RALGAPA1: variants seen among roughly 807,000 people sequenced by gnomAD.
RALGAPA1 encodes the protein ral GTPase-activating protein subunit alpha-1.
In RALGAPA1, 52 loss-of-function variants were observed where a neutral mutation model predicts 269.6. The observed-to-expected ratio is 0.19, with a 90% confidence interval of 0.15 to 0.24. The LOEUF (loss-of-function observed/expected upper bound fraction) is 0.24. Among genes scored for constraint, RALGAPA1 ranks in the 10% least tolerant of loss-of-function variants. RALGAPA1 has a pLI of 1.00. For synonymous variants in RALGAPA1, 817 were observed against 1,008.3 expected (o/e 0.81, Z 3.60); for missense variants, 1,917 against 3,013.9 (o/e 0.64, Z 8.52).
chr14:35,732,667 T>C (rs1472821740), intron 12 of RALGAPA1, among the ~76,000 whole-genome samples: 2 of 152,330 alleles, frequency 1.3e-5, no homozygotes, highest in African/African-American at 2.4e-5. Context: ...GGACATTATA[T>C]AATGGTAAAA....
intron 27 of RALGAPA1, among the ~76,000 whole-genome samples, chr14:35,662,014 C>T (rs931357872): frequency 2.0e-5 from 3 of 152,050 alleles, no homozygotes; most frequent in African/African-American, 7.2e-5. Context: ...TTGGTGATGA[C>T]GAAAATGTTC....
chr14:35,616,670 C>G (rs1251083732), intron 35 of RALGAPA1, among the ~76,000 whole-genome samples: 2 of 152,120 alleles, frequency 1.3e-5, no homozygotes, highest in Non-Finnish European at 1.5e-5. Context: ...CCTATCAGTT[C>G]TTTTGTAAAT....
At chr14:35,703,815 G>A (rs572466487) in intron 16 of RALGAPA1, among the ~76,000 whole-genome samples, 12 of 151,452 alleles carry the variant, frequency 7.9e-5, no homozygotes, top group South Asian at 4.2e-4. Flanking sequence ...TTCAAATTAC[G>A]AGCATGACAA....
chr14:35,703,023 T>C (rs1371309407), intron 16 of RALGAPA1, among the ~76,000 whole-genome samples: 1 of 152,224 alleles, frequency 6.6e-6, no homozygotes, highest in Non-Finnish European at 1.5e-5. Context: ...GTTTTTCTTT[T>C]TTCCCCTAGG....
At chr14:35,567,009 C>T (rs2056769802) in intron 39 of RALGAPA1, among the ~76,000 whole-genome samples, 1 of 151,586 alleles carries the variant, frequency 6.6e-6, no homozygotes, top group Admixed American at 6.6e-5. Flanking sequence ...ATATATACTA[C>T]ACTCAGGTAG....
At chr14:35,802,907 C>G (rs942005561) in intron 1 of RALGAPA1, among the ~76,000 whole-genome samples, 1 of 151,948 alleles carries the variant, frequency 6.6e-6, no homozygotes, top group Admixed American at 6.6e-5. Context: ...AAGCTGGTCT[C>G]AAACTCCTGG....
intron 40 of RALGAPA1, 140 bp from the exon 41 acceptor site, chr14:35,548,678 T>C (rs1227696241): frequency 3.6e-6 from 2 of 552,240 alleles, no homozygotes; most frequent in Non-Finnish European, 6.3e-6. Context: ...CTTTAATTAT[T>C]GTAACATAAA....
intron 11 of RALGAPA1, among the ~76,000 whole-genome samples, chr14:35,741,912 AAATCAG>A (rs1567133666): frequency 6.6e-6 from 1 of 152,188 alleles, no homozygotes; most frequent in Non-Finnish European, 1.5e-5. Context: ...TCACATTCTG[AAATCAG>A]CTCTAGTGCA....
intron 18 of RALGAPA1, among the ~76,000 whole-genome samples, chr14:35,687,034 G>A (rs1213441791): frequency 2.0e-5 from 3 of 152,050 alleles, no homozygotes; most frequent in Non-Finnish European, 4.4e-5. Flanking sequence ...CCCAAAGAAC[G>A]TTTGCAGGGA....
chr14:35,727,428 AG>A (rs1396437934), intron 13 of RALGAPA1, among the ~76,000 whole-genome samples: 1 of 149,746 alleles, frequency 6.7e-6, no homozygotes, highest in African/African-American at 2.4e-5. Context: ...ATCTCTAGAG[AG>A]TGAACCTTTG....
At chr14:35,634,335 C>A (rs1403224074) in intron 33 of RALGAPA1, among the ~76,000 whole-genome samples, 1 of 152,138 alleles carries the variant, frequency 6.6e-6, no homozygotes, top group Non-Finnish European at 1.5e-5. Context: ...CACTTCTGGT[C>A]CCATGCATTT....
intron 1 of RALGAPA1, among the ~76,000 whole-genome samples, chr14:35,790,339 G>A (rs1452991506): frequency 6.6e-6 from 1 of 152,098 alleles, no homozygotes; most frequent in Non-Finnish European, 1.5e-5. Flanking sequence ...GGATCTTTGG[G>A]CAACAATGAT....
intron 26 of RALGAPA1, among the ~76,000 whole-genome samples, chr14:35,669,459 G>A (rs1476789427): frequency 6.6e-6 from 1 of 152,088 alleles, no homozygotes; most frequent in East Asian, 1.9e-4. Context: ...TCTCCATGTT[G>A]GTCAGACTAG....
Position 35,549,150 on chromosome 14 carries a change from A to C in RALGAPA1, c.7581T>G (p.Val2527=). 6.2e-7 allele frequency: 1 copy of C among 1,612,150 alleles called. No individual in the cohort carries two copies. Among genetic ancestry groups the C allele is most frequent in the African/African-American group, 1.3e-5 (1 of 74,954 alleles). ...PTTFEDFAAQ[V]FSPAPYHHLP... ...AATGGTGGTAGGGAGCTGGAGAAAA[A>C]ACCTGTGCTGCAAAATCTTCAAATG... is the stretch of plus-strand genomic sequence containing the variant. The change falls in exon 40 of 42, where the codon GTT becomes GTG. Residue 2527 remains valine (V), a synonymous_variant. Transcript: ENST00000680220.
At chr14:35,692,541 T>G (rs1357528067) in intron 17 of RALGAPA1, among the ~76,000 whole-genome samples, 1 of 151,042 alleles carries the variant, frequency 6.6e-6, no homozygotes, top group Non-Finnish European at 1.5e-5. Flanking sequence ...TATCTAAAAC[T>G]TCTGTGCAAG....
At chr14:35,756,996 A>G in intron 6 of RALGAPA1, 88 bp from the exon 7 acceptor site, 1 of 1,170,902 alleles carries the variant, frequency 8.5e-7, no homozygotes. Flanking sequence ...CTGCAAAATG[A>G]GTATGCAATG....
At chr14:35,624,156 C>CAAAAAAAAAAAAAAA (rs377171729) in intron 35 of RALGAPA1, among the ~76,000 whole-genome samples, 1 of 21,834 alleles carries the variant, frequency 4.6e-5, no homozygotes, top group Non-Finnish European at 1.1e-4. Flanking sequence ...TAATACAACG[C>CAAAAAAAAAAAAAAA]AAAAAAAAAA....
chr14:35,698,337 G>A (rs1332005157), intron 17 of RALGAPA1, among the ~76,000 whole-genome samples: 1 of 152,098 alleles, frequency 6.6e-6, no homozygotes, highest in Non-Finnish European at 1.5e-5. Flanking sequence ...AAAATATTTT[G>A]AAAGGAACAA....
intron 1 of RALGAPA1, among the ~76,000 whole-genome samples, chr14:35,800,843 A>G (rs2076913574): frequency 6.6e-6 from 1 of 152,108 alleles, no homozygotes; most frequent in African/African-American, 2.4e-5. Context: ...TGTCTCTACT[A>G]AAAATACAAA....
Sources: gnomAD v4.1 joint callset for allele counts (sites outside exome capture counted in the v4.1 genomes callset) on GRCh38, gnomAD v4.1.1 for gene constraint, MANE v1.5 for transcripts, NCBI Gene and HGNC (gene_info 2026-07-23, HGNC 2026-07-21) for gene names.